Variants in ABCG1 observed in about 807,000 individuals in gnomAD.
ABCG1 encodes the protein ATP binding cassette subfamily G member 1.
A neutral mutation model predicts 69.2 loss-of-function variants in ABCG1; 29 were observed. That is an observed-to-expected ratio of 0.42 (90% confidence interval 0.31 to 0.57). ABCG1 has a LOEUF of 0.57. Among genes scored for constraint, ABCG1 ranks in the 20% least tolerant of loss-of-function variants. The pLI is 0.15. For missense variants in ABCG1, 718 were observed against 898.1 expected (o/e 0.80, Z 2.56); for synonymous variants, 370 against 374.8 (o/e 0.99, Z 0.15).
At chr21:42,249,172 C>G (rs139829256) in intron 2 of ABCG1, among the ~76,000 whole-genome samples, 1 of 152,284 alleles carries the variant, frequency 6.6e-6, no homozygotes, top group Non-Finnish European at 1.5e-5. Flanking sequence ...GGATGTAATA[C>G]CATTCAAGAG....
chr21:42,281,573 T>C (rs1308020861), intron 5 of ABCG1, among the ~76,000 whole-genome samples: 1 of 152,236 alleles, frequency 6.6e-6, no homozygotes, highest in Non-Finnish European at 1.5e-5. Flanking sequence ...CCGTGGGTCA[T>C]GACTGCTTTG....
chr21:42,259,339 C>G (rs2068364411), intron 2 of ABCG1: 1 of 1,549,588 alleles, frequency 6.5e-7, no homozygotes, highest in Admixed American at 2.0e-5. Flanking sequence ...GTACAGGTGG[C>G]AGCTTTAGCT....
chr21:42,256,661 C>A (rs1364516301), intron 2 of ABCG1: 2 of 1,462,060 alleles, frequency 1.4e-6, no homozygotes, highest in Middle Eastern at 2.4e-4. Context: ...CCAGGCAGCC[C>A]TTTCTGCTCC....
At chr21:42,275,616 G>T (rs553538378) in intron 4 of ABCG1, among the ~76,000 whole-genome samples, 1 of 152,188 alleles carries the variant, frequency 6.6e-6, no homozygotes, top group African/African-American at 2.4e-5. Context: ...CACTGGGACC[G>T]CAGCTCAATG....
At chr21:42,251,647 G>A (rs930919213) in intron 2 of ABCG1, among the ~76,000 whole-genome samples, 13 of 152,222 alleles carry the variant, frequency 8.5e-5, no homozygotes, top group African/African-American at 3.1e-4. Context: ...GCGAGGCGGG[G>A]GGAATGGGAA....
intron 2 of ABCG1, among the ~76,000 whole-genome samples, chr21:42,258,763 G>A (rs1239708904): frequency 6.6e-6 from 1 of 152,190 alleles, no homozygotes. Flanking sequence ...GTAAGACTCG[G>A]GATGAGGGCT....
rs4006345 is a variant in ABCG1, at chr21:42,270,259, C to CA, written c.287-789dup. ...TGGGCGACAGAGCAAGACTCAGTCT[C>CA]AAAAAAAAAAAAAAAAAAAAAAGTG... On this transcript the variant is annotated intron_variant, in intron 2 of 14. Transcript: ENST00000398449. Among the ~76,000 whole-genome samples, 569 of 86,986 alleles carry CA rather than the reference C, an allele frequency of 6.5e-3. 15 individuals carry two copies. Among genetic ancestry groups the CA allele is most frequent in the African/African-American group, 0.019 (401 of 20,962 alleles). 57.1% of individuals were successfully genotyped at this position (86,986 alleles called of 152,430 possible).
At chr21:42,218,286 G>T (rs535191015), upstream of ABCG1, among the ~76,000 whole-genome samples, 7 of 152,178 alleles carry the variant, frequency 4.6e-5, no homozygotes, top group Non-Finnish European at 1.0e-4. Context: ...GAGACTGGGA[G>T]TAAAGAATTC....
intron 13 of ABCG1, among the ~76,000 whole-genome samples, 190 bp from the exon 14 acceptor site, chr21:42,294,352 C>G (rs375141620): frequency 6.6e-6 from 1 of 152,126 alleles, no homozygotes; most frequent in African/African-American, 2.4e-5. Context: ...GCAGGGCAGC[C>G]GGGGGGTCCT....
chr21:42,243,628 T>C (rs1307248873), intron 2 of ABCG1, among the ~76,000 whole-genome samples: 1 of 152,008 alleles, frequency 6.6e-6, no homozygotes, highest in Non-Finnish European at 1.5e-5. Flanking sequence ...AGTTCCTCTG[T>C]AAAATCTGGA....
chr21:42,230,800 A>G (rs2067890371), intron 2 of ABCG1, among the ~76,000 whole-genome samples: 1 of 152,222 alleles, frequency 6.6e-6, no homozygotes, highest in Non-Finnish European at 1.5e-5. Flanking sequence ...CCGTTCTTCA[A>G]TCCATTTGGC....
chr21:42,216,796 A>G (rs1405247093), upstream of ABCG1, among the ~76,000 whole-genome samples: 1 of 152,196 alleles, frequency 6.6e-6, no homozygotes, highest in Non-Finnish European at 1.5e-5. Context: ...GTCCTGTGCT[A>G]CGCTACTGTT....
At chr21:42,278,564 A>G (rs2068750503) in intron 5 of ABCG1, among the ~76,000 whole-genome samples, 1 of 152,194 alleles carries the variant, frequency 6.6e-6, no homozygotes, top group Non-Finnish European at 1.5e-5. Context: ...CCGTGAGGAC[A>G]CAGGGAGGAG....
At chr21:42,240,947 C>T (rs971812465) in intron 2 of ABCG1, among the ~76,000 whole-genome samples, 1 of 152,254 alleles carries the variant, frequency 6.6e-6, no homozygotes, top group East Asian at 1.9e-4. Context: ...GTTCCCGCAC[C>T]ACCCAGGGGA....
chr21:42,251,266 G>A (rs1412479948), intron 2 of ABCG1, among the ~76,000 whole-genome samples: 2 of 152,156 alleles, frequency 1.3e-5, no homozygotes, highest in Non-Finnish European at 2.9e-5. Flanking sequence ...GGAAAGGGAG[G>A]ACCTGTATTC....
chr21:42,232,744 A>G (rs2067919347), intron 2 of ABCG1, among the ~76,000 whole-genome samples: 3 of 152,228 alleles, frequency 2.0e-5, no homozygotes, highest in Admixed American at 6.5e-5. Context: ...GGCCCTCCCT[A>G]TAAACCAGAA....
chr21:42,237,632 A>T (rs565368825), intron 2 of ABCG1, among the ~76,000 whole-genome samples: 153 of 152,354 alleles, frequency 1.0e-3, no homozygotes, highest in Non-Finnish European at 1.8e-3. Context: ...GAATCACAAA[A>T]AGCTAAATCA....
intron 4 of ABCG1, among the ~76,000 whole-genome samples, chr21:42,274,537 C>T (rs1428642038): frequency 2.7e-5 from 4 of 148,336 alleles, no homozygotes; most frequent in Non-Finnish European, 4.4e-5. Context: ...TGCAGTGGCA[C>T]GATCTCAGCT....
intron 2 of ABCG1, among the ~76,000 whole-genome samples, chr21:42,261,857 C>A (rs1485570768): frequency 6.6e-6 from 1 of 152,182 alleles, no homozygotes; most frequent in Non-Finnish European, 1.5e-5. Flanking sequence ...TTTGGACAAC[C>A]ACAAAACAAG....
Sources: gnomAD v4.1 joint callset for allele counts (sites outside exome capture counted in the v4.1 genomes callset) on GRCh38, gnomAD v4.1.1 for gene constraint, MANE v1.5 for transcripts, NCBI Gene and HGNC (gene_info 2026-07-23, HGNC 2026-07-21) for gene names.